NALF1: variants seen among roughly 807,000 people sequenced by gnomAD.
NALF1 encodes the protein NALCN channel auxiliary factor 1.
In NALF1, 3 loss-of-function variants were observed where a neutral mutation model predicts 48.4. That is an observed-to-expected ratio of 0.06 (90% CI 0.03 to 0.16). NALF1 has a LOEUF of 0.16. NALF1 is among the 10% of genes least tolerant of loss of function. The pLI is 1.00. For synonymous variants in NALF1, 262 were observed against 245.7 expected, an observed-to-expected ratio of 1.07 and a Z score of -0.62; for missense variants, 526 against 571.5, an observed-to-expected ratio of 0.92 and a Z score of 0.81.
chr13:107,837,979 T>C (rs1363602358), intron 1 of NALF1, among the ~76,000 whole-genome samples: 2 of 152,028 alleles, frequency 1.3e-5, no homozygotes, highest in Non-Finnish European at 2.9e-5. Flanking sequence ...AAATGCACTA[T>C]GGTTTTATAT....
At chr13:107,262,796 C>CTCTCTCTCTG (rs1880959409) in intron 1 of NALF1, among the ~76,000 whole-genome samples, 1 of 151,906 alleles carries the variant, frequency 6.6e-6, no homozygotes, top group South Asian at 2.1e-4. Flanking sequence ...CTCTCTCTCT[C>CTCTCTCTCTG]TCATTCTTAA....
intron 1 of NALF1, among the ~76,000 whole-genome samples, chr13:107,639,906 C>T (rs562467128): frequency 1.3e-5 from 2 of 152,162 alleles, no homozygotes; most frequent in South Asian, 4.2e-4. Context: ...GTAGTTGGCA[C>T]CTATTATTTC....
Position 107,441,219 on chromosome 13 carries a change from A to C in NALF1, c.916-230464T>G, listed in dbSNP as rs1005147928. Among the ~76,000 whole-genome samples, 3 of 152,224 alleles carry C rather than the reference A, an allele frequency of 2.0e-5. No homozygotes were observed. The South Asian group carries it at 6.2e-4, about 31-fold the overall frequency. ...ATATTTGATATCTGACAAGATTGATATATTTCACTGTTGGTCCAACCAACA... is the reference window on the plus strand; with the variant it reads ...ATATTTGATATCTGACAAGATTGATCTATTTCACTGTTGGTCCAACCAACA... On this transcript the variant is annotated intron_variant, in intron 1 of 2. Coordinates refer to ENST00000375915, the MANE Select transcript of NALF1 (RefSeq NM_001080396.3).
At chr13:107,757,225 G>A (rs1005291440) in intron 1 of NALF1, among the ~76,000 whole-genome samples, 4 of 152,086 alleles carry the variant, frequency 2.6e-5, no homozygotes, top group African/African-American at 9.7e-5. Context: ...CTGGCAAAGT[G>A]AGGTCAACTC....
chr13:107,184,054 G>C (rs186712253), intron 2 of NALF1, among the ~76,000 whole-genome samples: 6 of 150,134 alleles, frequency 4.0e-5, no homozygotes, highest in Non-Finnish European at 8.9e-5. Flanking sequence ...CATGGCTCAC[G>C]GCAACCTCTG....
chr13:107,752,497 G>A (rs1305938496), intron 1 of NALF1, among the ~76,000 whole-genome samples: 1 of 151,930 alleles, frequency 6.6e-6, no homozygotes, highest in Non-Finnish European at 1.5e-5. Flanking sequence ...ATATGGTGTG[G>A]GTGTGTGTGT....
At chr13:107,446,748 A>C (rs553778626) in intron 1 of NALF1, among the ~76,000 whole-genome samples, 1 of 152,322 alleles carries the variant, frequency 6.6e-6, no homozygotes, top group African/African-American at 2.4e-5. Flanking sequence ...ATCTATGTCA[A>C]AATTCTCATC....
chr13:107,239,139 T>C (rs1880413178), intron 1 of NALF1, among the ~76,000 whole-genome samples: 1 of 152,216 alleles, frequency 6.6e-6, no homozygotes, highest in Non-Finnish European at 1.5e-5. Flanking sequence ...AAGGAATTTT[T>C]AGATTGAATA....
At chr13:107,823,282 C>T (rs1879410411) in intron 1 of NALF1, among the ~76,000 whole-genome samples, 1 of 152,168 alleles carries the variant, frequency 6.6e-6, no homozygotes, top group Admixed American at 6.5e-5. Flanking sequence ...TTACTGTGGT[C>T]ACTGAACTGT....
intron 1 of NALF1, among the ~76,000 whole-genome samples, chr13:107,715,265 T>C (rs1381517504): frequency 1.3e-5 from 2 of 151,928 alleles, no homozygotes; most frequent in South Asian, 2.1e-4. Flanking sequence ...TGCAGTGGCA[T>C]GATCTCAGCT....
At chr13:107,252,375 AGAG>A (rs1390837642) in intron 1 of NALF1, among the ~76,000 whole-genome samples, 2 of 151,960 alleles carry the variant, frequency 1.3e-5, no homozygotes, top group East Asian at 3.9e-4. Context: ...AGAGAGAAAA[AGAG>A]GAGAGAGAGG....
chr13:107,179,807 T>C (rs1372397705), intron 2 of NALF1, among the ~76,000 whole-genome samples: 2 of 150,928 alleles, frequency 1.3e-5, no homozygotes, highest in Non-Finnish European at 2.9e-5. Flanking sequence ...CAGTCACTGG[T>C]GGCTACCACC....
intron 1 of NALF1, among the ~76,000 whole-genome samples, chr13:107,352,036 C>G (rs1013148780): frequency 9.2e-5 from 14 of 152,228 alleles, no homozygotes; most frequent in African/African-American, 3.4e-4. Flanking sequence ...AGTGAGCAAA[C>G]ATACATGTTA....
intron 1 of NALF1, among the ~76,000 whole-genome samples, chr13:107,782,597 TAGGAAGTGA>T (rs1877928168): frequency 6.7e-6 from 1 of 149,318 alleles, no homozygotes; most frequent in African/African-American, 2.5e-5. Flanking sequence ...CCATCCCATC[TAGGAAGTGA>T]GGAGCGCCTC....
In NALF1 at chr13:107,668,605, G is replaced by A. The variant is rs28503637; in HGVS notation, c.915+197077C>T. Among the ~76,000 whole-genome samples, 618 of 151,852 alleles carry A rather than the reference G, an allele frequency of 4.1e-3. 3 individuals carry two copies. Among genetic ancestry groups the A allele is most frequent in the Non-Finnish European group, 7.2e-3 (491 of 67,884 alleles). On this transcript the variant is annotated intron_variant, in intron 1 of 2. Transcript: ENST00000375915. The stretch of plus-strand genomic sequence containing the variant: ...CATGATGAATAATTATATTTCTTAG[G>A]GGTTTCTGAGTTAATGATGGCATTC...
chr13:107,704,515 T>G (rs1199839097), intron 1 of NALF1, among the ~76,000 whole-genome samples: 1 of 152,158 alleles, frequency 6.6e-6, no homozygotes, highest in African/African-American at 2.4e-5. Context: ...CCAAAGTTAT[T>G]TTTTAGTTCC....
chr13:107,301,961 C>G (rs531357686), intron 1 of NALF1, among the ~76,000 whole-genome samples: 1 of 152,290 alleles, frequency 6.6e-6, no homozygotes, highest in South Asian at 2.1e-4. Flanking sequence ...CCTTTCAAAA[C>G]TCATGTTGAA....
At chr13:107,745,562 A>T (rs1876759814) in intron 1 of NALF1, among the ~76,000 whole-genome samples, 1 of 152,116 alleles carries the variant, frequency 6.6e-6, no homozygotes, top group Non-Finnish European at 1.5e-5. Flanking sequence ...ATTTACAGTG[A>T]CCTACGTTTA....
At chr13:107,389,913 A>G (rs548634755) in intron 1 of NALF1, among the ~76,000 whole-genome samples, 4 of 152,300 alleles carry the variant, frequency 2.6e-5, no homozygotes, top group African/African-American at 9.6e-5. Flanking sequence ...TTAATAGCCC[A>G]ATTATTTCTT....
Sources: allele counts gnomAD v4.1 joint callset (sites outside exome capture counted in the v4.1 genomes callset), GRCh38; gene constraint gnomAD v4.1.1; transcripts MANE v1.5; gene names NCBI Gene and HGNC (gene_info 2026-07-23, HGNC 2026-07-21).